The following LAMA2 variants were observed in gnomAD, a reference collection of about 807,000 sequenced individuals.
LAMA2 encodes the protein laminin subunit alpha 2, also known as laminin subunit alpha-2.
LAMA2 carries 269 observed loss-of-function variants against 364.8 expected under a neutral mutation model. The ratio of observed to expected loss-of-function variants is 0.74; its 90% CI spans 0.67 to 0.82. LAMA2 has a LOEUF of 0.82. Among genes scored for constraint, LAMA2 ranks in the 40% least tolerant of loss-of-function variants. The probability of loss-of-function intolerance (pLI) is 0.00; values close to 1 mark genes in which losing one functional copy is unlikely to be tolerated. For synonymous variants in LAMA2, 1,379 were observed against 1,370.6 expected, an observed-to-expected ratio of 1.01 and a Z score of -0.14; for missense variants, 3,807 against 3,873.2, an observed-to-expected ratio of 0.98 and a Z score of 0.45.
At chr6:129,097,889 T>C (rs1775280447) in intron 3 of LAMA2, among the ~76,000 whole-genome samples, 1 of 152,222 alleles carries the variant, frequency 6.6e-6, no homozygotes, top group African/African-American at 2.4e-5. Flanking sequence ...GTAATAATTA[T>C]AATGGAACTT....
chr6:128,959,100 G>A (rs1012564743), intron 1 of LAMA2, among the ~76,000 whole-genome samples: 5 of 151,936 alleles, frequency 3.3e-5, no homozygotes, highest in African/African-American at 4.8e-5. Flanking sequence ...TTTGTACATC[G>A]TTGCCTGGCA....
rs140628847 is a variant in LAMA2 at position 128,978,596 on chromosome 6, G to C, written c.113-71322G>C. ...CTCCCAAAGTGCTGGGATTACAAGC[G>C]TGAGCCACCATGCCCGGTCAGTACC... On this transcript the variant is annotated intron_variant, in intron 1 of 64. Coordinates refer to ENST00000421865, the MANE Select transcript of LAMA2 (RefSeq NM_000426.4). Among the ~76,000 whole-genome samples the C allele has an allele frequency of 6.6e-3, 1,007 of 152,138 alleles. 11 individuals carry two copies. The highest frequency in any genetic ancestry group is 0.023 in the African/African-American group (973 of 41,490).
chr6:128,912,625 T>C (rs1164782445), intron 1 of LAMA2, among the ~76,000 whole-genome samples: 2 of 152,158 alleles, frequency 1.3e-5, no homozygotes, highest in Non-Finnish European at 2.9e-5. Flanking sequence ...TCAATGCATT[T>C]TGAATGAGAA....
intron 4 of LAMA2, among the ~76,000 whole-genome samples, chr6:129,109,108 G>A (rs1390367774): frequency 6.6e-6 from 1 of 152,112 alleles, no homozygotes; most frequent in Admixed American, 6.6e-5. Context: ...GCCTGCTAGT[G>A]TGTGGGTGTC....
chr6:129,263,556 C>T (rs943483678), intron 15 of LAMA2, among the ~76,000 whole-genome samples: 8 of 151,936 alleles, frequency 5.3e-5, no homozygotes, highest in African/African-American at 1.5e-4. Context: ...AAAGAAGGAG[C>T]GTGGCTGGAG....
intron 1 of LAMA2, among the ~76,000 whole-genome samples, chr6:128,913,799 T>C (rs1778131700): frequency 6.6e-6 from 1 of 152,180 alleles, no homozygotes; most frequent in South Asian, 2.1e-4. Flanking sequence ...AGAATCTAAA[T>C]TAAATGAGTT....
chr6:129,508,880 G>A (rs953692421), intron 62 of LAMA2, among the ~76,000 whole-genome samples: 1 of 152,170 alleles, frequency 6.6e-6, no homozygotes. Flanking sequence ...GAGTGGAATT[G>A]ATGGATCATA....
chr6:129,267,215 G>C lies in LAMA2; in HGVS notation c.2318G>C (p.Cys773Ser), dbSNP rs746327071. The C allele has an allele frequency of 2.5e-6, 4 of 1,598,610 alleles. No individual in the cohort carries two copies. The South Asian group carries it at 4.4e-5, about 18-fold the overall frequency. The change falls in exon 16 of 65, where the codon TGC becomes TCC. Residue 773 changes from cysteine (C) to serine (S), a missense_variant. Physicochemically the swap from Cys to Ser is moderately radical, Grantham distance 112. Around this residue, in one of 3 missense-constraint regions of LAMA2, gnomAD observed 3,333 missense variants for 3,345.7 expected, o/e 1.00. Transcript: ENST00000421865. The stretch of plus-strand genomic sequence containing the variant: ...TCCTGTGATGACGTCACTGGAGAAT[G>C]CCTGGTAAGTGCTCTCTTCTTTGGG... ...AESCDDVTGECLNCKDHTGGP... is the reference protein window; with the variant it reads ...AESCDDVTGESLNCKDHTGGP...
chr6:129,419,386 G>A (rs1780958704), intron 40 of LAMA2, among the ~76,000 whole-genome samples: 3 of 152,044 alleles, frequency 2.0e-5, no homozygotes, highest in Non-Finnish European at 4.4e-5. Context: ...TAACTAGAGG[G>A]AAAATTCGAA....
chr6:129,111,330 C>T lies in LAMA2; in HGVS notation c.639+12915C>T, dbSNP rs1282591180. Among the ~76,000 whole-genome samples the T allele has an allele frequency of 2.0e-5, 3 of 152,004 alleles. No individual in the cohort carries two copies. The East Asian group carries it at 5.8e-4, about 29-fold the overall frequency. ...TAAGACATGTAATTTAAATTCTAAT[C>T]AGGGATAACAAAAATCCTATGATAC... On this transcript the variant is annotated intron_variant, in intron 4 of 64. Coordinates refer to ENST00000421865, the MANE Select transcript of LAMA2 (RefSeq NM_000426.4).
chr6:129,456,228 A>G (rs1052618528), intron 47 of LAMA2, 107 bp from the exon 48 acceptor site: 37 of 1,111,590 alleles, frequency 3.3e-5, no homozygotes, highest in Non-Finnish European at 4.1e-6. Context: ...ATTCTTAAAA[A>G]CAAGTCTCCG....
chr6:129,070,806 C>A (rs999744344), intron 3 of LAMA2, among the ~76,000 whole-genome samples: 10 of 152,182 alleles, frequency 6.6e-5, no homozygotes, highest in African/African-American at 2.4e-4. Flanking sequence ...CAGTGTTGGT[C>A]TTTTAATGAA....
At chr6:129,349,170 A>G (rs182610980) in intron 30 of LAMA2, 128 bp from the exon 31 acceptor site, 39 of 713,954 alleles carry the variant, frequency 5.5e-5, no homozygotes, top group Admixed American at 4.3e-4. Context: ...AACTTCAGCA[A>G]TAATTATAAA....
intron 22 of LAMA2, among the ~76,000 whole-genome samples, chr6:129,308,780 T>C (rs1012730980): frequency 5.9e-5 from 9 of 152,308 alleles, no homozygotes; most frequent in East Asian, 3.9e-4. Context: ...CATCTGTTTC[T>C]GGTGAAGGCC....
intron 1 of LAMA2, chr6:128,929,176 G>A (rs1779286177): frequency 2.7e-6 from 4 of 1,467,720 alleles, no homozygotes; most frequent in Non-Finnish European, 3.8e-6. Context: ...TAAAATGAAT[G>A]GGGATAGTTA....
At chr6:129,107,365 C>T (rs141333038) in intron 4 of LAMA2, among the ~76,000 whole-genome samples, 1 of 152,184 alleles carries the variant, frequency 6.6e-6, no homozygotes, top group East Asian at 1.9e-4. Flanking sequence ...AAGCCCACTC[C>T]TAACTATGAA....
chr6:128,910,960 G>T (rs915906825), intron 1 of LAMA2, among the ~76,000 whole-genome samples: 1 of 151,248 alleles, frequency 6.6e-6, no homozygotes, highest in Admixed American at 6.6e-5. Flanking sequence ...GGGGTCAGGG[G>T]TCAGGGACCC....
At chr6:129,387,785 A>G (rs889730117) in intron 35 of LAMA2, among the ~76,000 whole-genome samples, 6 of 152,230 alleles carry the variant, frequency 3.9e-5, no homozygotes, top group Non-Finnish European at 8.8e-5. Flanking sequence ...CAGCATCCTC[A>G]GCAAACTAAT....
chr6:129,369,417 C>T (rs371611609), intron 33 of LAMA2, among the ~76,000 whole-genome samples: 1 of 152,134 alleles, frequency 6.6e-6, no homozygotes, highest in Non-Finnish European at 1.5e-5. Flanking sequence ...AGTTAGTTAG[C>T]GCCTAGCCAG....
Sources: allele counts gnomAD v4.1 joint callset (sites outside exome capture counted in the v4.1 genomes callset), GRCh38; gene constraint gnomAD v4.1.1; regional missense constraint gnomAD v4.1.1; transcripts MANE v1.5; gene names NCBI Gene and HGNC (gene_info 2026-07-23, HGNC 2026-07-21).